The following NCK1 variants were observed in gnomAD, a reference collection of about 807,000 sequenced individuals.
The protein encoded by NCK1 is SH2/SH3 adapter protein NCK1.
A neutral mutation model predicts 36.6 loss-of-function variants in NCK1; 19 were observed. The observed-to-expected ratio is 0.52, with a 90% CI of 0.36 to 0.76. NCK1 has a LOEUF of 0.76. Among genes scored for constraint, NCK1 ranks in the 30% least tolerant of loss-of-function variants. The pLI, the probability that NCK1 is intolerant of heterozygous loss-of-function variation, is 0.00. For missense variants in NCK1, 358 were observed against 445.6 expected (o/e 0.80, Z 1.77); for synonymous variants, 165 against 156.0 (o/e 1.06, Z -0.43).
Position 136,949,897 on chromosome 3 carries a change from T to C in NCK1, c.*1444T>C, listed in dbSNP as rs932319349. The stretch of plus-strand genomic sequence containing the variant: ...AATCTTAAAATCATTTAAAGACTTA[T>C]GTTGCCACTGGGTGGCAGCCATGGC... On this transcript the variant is annotated 3_prime_UTR_variant, in exon 4 of 4. Transcript: ENST00000481752. The C allele has an allele frequency of 1.3e-5, 2 of 152,110 alleles. No individual in the cohort carries two copies. The highest frequency in any genetic ancestry group is 2.4e-5 in the African/African-American group (1 of 41,458). The allele number at this position is 152,110 out of a possible 1,614,324, so 9.4% of individuals were successfully genotyped here. A position where few individuals can be genotyped will look rare whatever the true frequency, so the allele number is the denominator to read the frequency against.
intron 1 of NCK1, among the ~76,000 whole-genome samples, chr3:136,885,169 G>C (rs934863148): frequency 1.3e-5 from 2 of 152,168 alleles, no homozygotes; most frequent in Non-Finnish European, 2.9e-5. Context: ...ACTTAAGCAA[G>C]GAAACAGGAA....
chr3:136,909,988 C>G (rs781314654), intron 1 of NCK1, among the ~76,000 whole-genome samples: 1 of 152,090 alleles, frequency 6.6e-6, no homozygotes, highest in Admixed American at 6.6e-5. Context: ...GAGTCTCTTA[C>G]GGATAGCATA....
In NCK1 at chr3:136,932,780, C is replaced by T. The variant is rs190558132; in HGVS notation, c.226+4553C>T. On this transcript the variant is annotated intron_variant, in intron 2 of 3. Coordinates refer to ENST00000481752, the MANE Select transcript of NCK1 (RefSeq NM_001291999.2). ...TCTTAGGTGTGTCATAGGAATTGAG[C>T]GAAAGCAATGAGTGAGAAATTGGTT... is the stretch of plus-strand genomic sequence containing the variant. Among the ~76,000 whole-genome samples, 389 of 152,198 alleles carry T rather than the reference C, an allele frequency of 2.6e-3. 2 individuals are homozygous for T. Among genetic ancestry groups the T allele is most frequent in the African/African-American group, 8.1e-3 (337 of 41,542 alleles).
intron 1 of NCK1, among the ~76,000 whole-genome samples, chr3:136,884,102 A>T (rs1262614534): frequency 6.6e-6 from 1 of 152,190 alleles, no homozygotes; most frequent in East Asian, 1.9e-4. Flanking sequence ...TGATACGATG[A>T]AGTCATAATA....
chr3:136,868,865 A>G (rs1308715490), intron 1 of NCK1, among the ~76,000 whole-genome samples: 2 of 152,132 alleles, frequency 1.3e-5, no homozygotes, highest in Non-Finnish European at 2.9e-5. Flanking sequence ...GAACTGTAAC[A>G]CCTTCACATT....
chr3:136,944,963 A>T (rs1378336705), intron 2 of NCK1, among the ~76,000 whole-genome samples: 1 of 152,334 alleles, frequency 6.6e-6, no homozygotes, highest in Admixed American at 6.5e-5. Flanking sequence ...GTAAACAAAC[A>T]AAACTCCCTG....
At chr3:136,920,161 A>G (rs1940068519) in intron 1 of NCK1, among the ~76,000 whole-genome samples, 1 of 152,186 alleles carries the variant, frequency 6.6e-6, no homozygotes, top group Admixed American at 6.5e-5. Flanking sequence ...TAATGAAACA[A>G]CTAATGAAAC....
Position 136,874,147 on chromosome 3 carries a change from A to G in NCK1, c.-19+11794A>G, listed in dbSNP as rs529669594. On this transcript the variant is annotated intron_variant, in intron 1 of 3. Transcript: ENST00000481752. ...TTTTTTGGCTATTGTGAATAAAGCT[A>G]TTGTCAACATTCATTTACAGTTTTT... Among the ~76,000 whole-genome samples the G allele has an allele frequency of 1.4e-4, 22 of 152,252 alleles. No homozygotes were observed. The East Asian group carries it at 2.9e-3, about 20-fold the overall frequency.
rs965897714 is a variant in NCK1 at position 136,949,040 on chromosome 3, C to T, written c.*587C>T. ...ACATTCATTGTCTTCAGTCATACAG[C>T]AAGACACATGAGACATAGATTAGAA... On this transcript the variant is annotated 3_prime_UTR_variant, in exon 4 of 4. Transcript: ENST00000481752. 1 of 152,346 alleles carries T rather than the reference C, an allele frequency of 6.6e-6. No homozygotes were observed. Among genetic ancestry groups the T allele is most frequent in the Non-Finnish European group, 1.5e-5 (1 of 67,888 alleles). The allele number at this position is 152,346 out of a possible 1,614,324, so 9.4% of individuals were successfully genotyped here.
chr3:136,893,155 T>TGC, intron 1 of NCK1, among the ~76,000 whole-genome samples: 2 of 101,546 alleles, frequency 2.0e-5, no homozygotes, highest in African/African-American at 7.3e-5. Context: ...ATAGTGTGTG[T>TGC]GTGTGTGTGT....
rs147287309 is a variant in NCK1, at chr3:136,895,765, A to G, written c.-18-32219A>G. ...TTTTTAGTAGAGACAGGGTTTTGCT[A>G]TGTTGACCAGGCTGATCTCTAACTC... is the stretch of plus-strand genomic sequence containing the variant. On this transcript the variant is annotated intron_variant, in intron 1 of 3. Transcript: ENST00000481752. Among the ~76,000 whole-genome samples the G allele has an allele frequency of 2.5e-3, 378 of 152,050 alleles. 1 individual carries two copies. Among genetic ancestry groups the G allele is most frequent in the African/African-American group, 7.8e-3 (323 of 41,466 alleles).
At chr3:136,939,279 T>C (rs1043606829) in intron 2 of NCK1, among the ~76,000 whole-genome samples, 12 of 152,182 alleles carry the variant, frequency 7.9e-5, no homozygotes, top group Non-Finnish European at 1.6e-4. Context: ...GTTCATAGTA[T>C]TTGTTTATAA....
intron 1 of NCK1, among the ~76,000 whole-genome samples, chr3:136,876,403 C>G (rs1030137506): frequency 8.5e-5 from 13 of 152,080 alleles, no homozygotes; most frequent in African/African-American, 3.1e-4. Flanking sequence ...TGATAGACCG[C>G]TAGCAAGACT....
At chr3:136,915,725 CTT>C (rs1553796207) in intron 1 of NCK1, among the ~76,000 whole-genome samples, 1 of 150,628 alleles carries the variant, frequency 6.6e-6, no homozygotes, top group East Asian at 1.9e-4. Flanking sequence ...AACACTTTTG[CTT>C]TTGTTTTTTT....
intron 1 of NCK1, among the ~76,000 whole-genome samples, chr3:136,890,690 A>C (rs1374802771): frequency 6.6e-6 from 1 of 152,370 alleles, no homozygotes; most frequent in Admixed American, 6.5e-5. Context: ...TAATATGGCT[A>C]CTGGCATTCA....
At chr3:136,880,814 G>A (rs538023892) in intron 1 of NCK1, among the ~76,000 whole-genome samples, 3 of 152,030 alleles carry the variant, frequency 2.0e-5, no homozygotes, top group Non-Finnish European at 4.4e-5. Context: ...TCACTTCTTT[G>A]CCCTGGCTGG....
intron 1 of NCK1, among the ~76,000 whole-genome samples, chr3:136,913,761 C>T (rs112802263): frequency 3.9e-5 from 6 of 152,308 alleles, no homozygotes; most frequent in East Asian, 3.9e-4. Flanking sequence ...CTCCGCCTCC[C>T]GGGTTCACGC....
chr3:136,899,207 G>T, intron 1 of NCK1: 1 of 240,742 alleles, frequency 4.2e-6, no homozygotes, highest in East Asian at 1.2e-4. Flanking sequence ...GATGCTGGTA[G>T]AACCATTTAG....
At chr3:136,913,738 G>T (rs570981471) in intron 1 of NCK1, among the ~76,000 whole-genome samples, 1 of 152,058 alleles carries the variant, frequency 6.6e-6, no homozygotes, top group East Asian at 1.9e-4. Context: ...GCGCGATCTC[G>T]GCCCACTGCA....
Sources: gnomAD v4.1 joint callset for allele counts (sites outside exome capture counted in the v4.1 genomes callset) on GRCh38, gnomAD v4.1.1 for gene constraint, MANE v1.5 for transcripts, NCBI Gene and HGNC (gene_info 2026-07-23, HGNC 2026-07-21) for gene names.